Variants in RSF1 observed in about 807,000 individuals in gnomAD.
RSF1 encodes the protein HBV pX-associated protein 8.
Under a neutral mutation model 145.2 loss-of-function variants are expected in RSF1, and 13 were observed. The ratio of observed to expected loss-of-function variants is 0.09; its 90% CI spans 0.06 to 0.14. RSF1 has a LOEUF of 0.14. Among genes scored for constraint, RSF1 ranks in the 10% least tolerant of loss-of-function variants. RSF1 has a pLI of 1.00. For synonymous variants in RSF1, 577 were observed against 592.6 expected (o/e 0.97, Z 0.38); for missense variants, 1,517 against 1,718.2 (o/e 0.88, Z 2.07).
chr11:77,758,115 G>A (rs995840760), intron 2 of RSF1, among the ~76,000 whole-genome samples: 4 of 148,732 alleles, frequency 2.7e-5, no homozygotes, highest in Admixed American at 6.8e-5. Context: ...TAGACTGGGC[G>A]ACAGAGGGAG....
chr11:77,775,316 G>T (rs1158836591), intron 1 of RSF1, among the ~76,000 whole-genome samples: 1 of 151,660 alleles, frequency 6.6e-6, no homozygotes, highest in Non-Finnish European at 1.5e-5. Flanking sequence ...GAAATTATCT[G>T]AATGAATATA....
At chr11:77,696,774 A>G (rs1960287530) in intron 7 of RSF1, among the ~76,000 whole-genome samples, 1 of 152,200 alleles carries the variant, frequency 6.6e-6, no homozygotes, top group Non-Finnish European at 1.5e-5. Context: ...CTTAACTTGC[A>G]TAGCCTTGAT....
intron 2 of RSF1, among the ~76,000 whole-genome samples, chr11:77,756,495 G>A (rs1948117810): frequency 6.6e-6 from 1 of 151,778 alleles, no homozygotes; most frequent in South Asian, 2.1e-4. Context: ...AACCTTTTCA[G>A]TAATTCCACA....
intron 1 of RSF1, among the ~76,000 whole-genome samples, chr11:77,820,234 G>A (rs941796836): frequency 1.3e-5 from 2 of 152,246 alleles, no homozygotes; most frequent in South Asian, 2.1e-4. Flanking sequence ...AGCAGTCCCC[G>A]GGGCTGCCGA....
chr11:77,747,837 T>C (rs1948017984), intron 2 of RSF1, among the ~76,000 whole-genome samples: 1 of 152,240 alleles, frequency 6.6e-6, no homozygotes, highest in Non-Finnish European at 1.5e-5. Flanking sequence ...ATGGGTTCTA[T>C]GACCTCTGTG....
the RSF1 span, among the ~76,000 whole-genome samples, chr11:77,851,722 C>T: frequency 5.3e-5 from 8 of 152,082 alleles, no homozygotes; most frequent in African/African-American, 1.9e-4. Flanking sequence ...ATGCCTACTC[C>T]CACTTCACGT....
intron 10 of RSF1, among the ~76,000 whole-genome samples, chr11:77,684,039 T>C (rs1959938537): frequency 6.6e-6 from 1 of 152,266 alleles, no homozygotes; most frequent in African/African-American, 2.4e-5. Flanking sequence ...ATTAAAATTC[T>C]GACGCTTTTG....
At chr11:77,686,540 C>G (rs533099983) in intron 9 of RSF1, among the ~76,000 whole-genome samples, 40 of 151,692 alleles carry the variant, frequency 2.6e-4, no homozygotes, top group Non-Finnish European at 5.3e-4. Flanking sequence ...CATTCTGTCT[C>G]TCTCTGCTTG....
upstream of RSF1, chr11:77,821,180 C>A (rs944550716): frequency 1.1e-5 from 4 of 359,066 alleles, no homozygotes; most frequent in South Asian, 1.9e-4. Flanking sequence ...GCGCTGGGAG[C>A]GTAAGTGCGG....
intron 3 of RSF1, among the ~76,000 whole-genome samples, chr11:77,741,314 A>G (rs1410070215): frequency 6.6e-6 from 1 of 152,150 alleles, no homozygotes; most frequent in Non-Finnish European, 1.5e-5. Flanking sequence ...AGGCCGAGGC[A>G]GGAGGATCGC....
At chr11:77,797,178 A>G (rs968666896) in intron 1 of RSF1, among the ~76,000 whole-genome samples, 2 of 152,202 alleles carry the variant, frequency 1.3e-5, no homozygotes, top group African/African-American at 4.8e-5. Context: ...TTCATATGGA[A>G]CCAAAAAAGA....
At chr11:77,819,334 A>G (rs550877220) in intron 1 of RSF1, among the ~76,000 whole-genome samples, 10 of 152,246 alleles carry the variant, frequency 6.6e-5, no homozygotes, top group Non-Finnish European at 1.5e-4. Flanking sequence ...GCCTTCTCTG[A>G]GGAAAGAAAA....
At chr11:77,748,996 T>G (rs1418864666) in intron 2 of RSF1, among the ~76,000 whole-genome samples, 1 of 152,146 alleles carries the variant, frequency 6.6e-6, no homozygotes, top group Non-Finnish European at 1.5e-5. Flanking sequence ...AATGAGGTAA[T>G]AATATACTAT....
chr11:77,703,246 T>C (rs1242585459), intron 5 of RSF1: 1 of 152,198 alleles, frequency 6.6e-6, no homozygotes, highest in South Asian at 2.1e-4. Context: ...GATTTATCTG[T>C]CAATTCTTCT....
the RSF1 span, among the ~76,000 whole-genome samples, chr11:77,826,367 A>G: frequency 6.6e-6 from 1 of 152,014 alleles, no homozygotes; most frequent in Admixed American, 6.6e-5. Context: ...ATCTCAAAAA[A>G]AAAAAGATGG....
At chr11:77,777,956 C>T (rs1297487453) in intron 1 of RSF1, among the ~76,000 whole-genome samples, 1 of 147,250 alleles carries the variant, frequency 6.8e-6, no homozygotes, top group Non-Finnish European at 1.5e-5. Flanking sequence ...TGCATAAAAT[C>T]TAACCTAACA....
intron 5 of RSF1, among the ~76,000 whole-genome samples, chr11:77,723,603 A>G (rs1960986906): frequency 6.6e-6 from 1 of 152,246 alleles, no homozygotes; most frequent in Admixed American, 6.5e-5. Context: ...GCAATGAAGG[A>G]CGGTAATCAA....
intron 11 of RSF1, 83 bp downstream of exon 11, chr11:77,683,627 G>T (rs1959926841): frequency 1.2e-6 from 1 of 821,804 alleles, no homozygotes; most frequent in Admixed American, 2.3e-5. Flanking sequence ...CAGCATGATA[G>T]AAAAAGCATA....
chr11:77,796,822 A>G (rs1284357377), intron 1 of RSF1, among the ~76,000 whole-genome samples: 1 of 152,220 alleles, frequency 6.6e-6, no homozygotes, highest in African/African-American at 2.4e-5. Context: ...CTCAGGCTAT[A>G]AAATCAATGT....
Sources: allele counts gnomAD v4.1 joint callset (sites outside exome capture counted in the v4.1 genomes callset), GRCh38; gene constraint gnomAD v4.1.1; transcripts MANE v1.5; gene names NCBI Gene and HGNC (gene_info 2026-07-23, HGNC 2026-07-21).